The following SLC8A3 variants were observed in gnomAD, a reference collection of about 807,000 sequenced individuals.
The protein encoded by SLC8A3 is solute carrier family 8 member A3, also known as sodium/calcium exchanger 3.
Under a neutral mutation model 65.4 loss-of-function variants are expected in SLC8A3, and 37 were observed. The ratio of observed to expected loss-of-function variants is 0.57; its 90% CI spans 0.44 to 0.74. The LOEUF (loss-of-function observed/expected upper bound fraction) is 0.74. Among genes scored for constraint, SLC8A3 ranks in the 30% least tolerant of loss-of-function variants. The pLI, the probability that SLC8A3 is intolerant of heterozygous loss-of-function variation, is 0.00. For synonymous variants in SLC8A3, 461 were observed against 444.5 expected, an observed-to-expected ratio of 1.04 and a Z score of -0.47; for missense variants, 1,112 against 1,172.1, an observed-to-expected ratio of 0.95 and a Z score of 0.75.
chr14:70,086,428 G>T (rs1270094297), intron 2 of SLC8A3, among the ~76,000 whole-genome samples: 1 of 117,558 alleles, frequency 8.5e-6, no homozygotes, highest in African/African-American at 3.3e-5. Flanking sequence ...TTGAGATGGA[G>T]TCTCACTCTG....
intron 2 of SLC8A3, among the ~76,000 whole-genome samples, chr14:70,076,033 T>C (rs762451705): frequency 1.4e-4 from 21 of 152,144 alleles, no homozygotes; most frequent in Admixed American, 8.5e-4. Context: ...AAGCCTGACC[T>C]TGATGCCCCC....
chr14:70,145,736 A>G (rs1895883671), intron 2 of SLC8A3, among the ~76,000 whole-genome samples: 2 of 152,206 alleles, frequency 1.3e-5, no homozygotes, highest in Admixed American at 6.5e-5. Flanking sequence ...TCTGCCCCAG[A>G]AAACCATCCC....
intron 2 of SLC8A3, among the ~76,000 whole-genome samples, chr14:70,096,979 G>A (rs958077179): frequency 6.6e-6 from 1 of 152,152 alleles, no homozygotes. Flanking sequence ...TGAGGCCCTC[G>A]TAGCCATCCT....
chr14:70,173,799 G>T (rs1897698377), intron 1 of SLC8A3, among the ~76,000 whole-genome samples: 1 of 152,172 alleles, frequency 6.6e-6, no homozygotes, highest in South Asian at 2.1e-4. Flanking sequence ...GTGGAAGTCA[G>T]TGCAGTCCTG....
At chr14:70,061,464 G>T (rs1042128170) in intron 2 of SLC8A3, among the ~76,000 whole-genome samples, 2 of 151,960 alleles carry the variant, frequency 1.3e-5, no homozygotes, top group African/African-American at 2.4e-5. Context: ...CACTTCCATT[G>T]TGAGTTTCAG....
At chr14:70,084,826 G>C (rs2140022378) in intron 2 of SLC8A3, among the ~76,000 whole-genome samples, 2 of 152,292 alleles carry the variant, frequency 1.3e-5, no homozygotes, top group Non-Finnish European at 2.9e-5. Context: ...CAGATTCCTA[G>C]AATTCTGTTT....
chr14:70,055,788 C>G, intron 3 of SLC8A3: 1 of 1,608,940 alleles, frequency 6.2e-7, no homozygotes, highest in East Asian at 2.2e-5. Context: ...GGACAAGACA[C>G]CTCTTACCTG....
chr14:70,096,413 A>G (rs1330981999), intron 2 of SLC8A3, among the ~76,000 whole-genome samples: 3 of 152,190 alleles, frequency 2.0e-5, no homozygotes, highest in Admixed American at 6.5e-5. Context: ...AACAAGATGA[A>G]TGTAACTCCA....
chr14:70,044,248 T>A lies in SLC8A3; in HGVS notation c.*1699A>T, dbSNP rs758563830. On this transcript the variant is annotated 3_prime_UTR_variant, in exon 7 of 7. Coordinates refer to ENST00000356921, the MANE Select transcript of SLC8A3 (RefSeq NM_182932.3). ...GAGAGATATAGTATAGCTTTTATTTTTTTTTTGAACCAACCCAACATTTCC... is the reference window on the plus strand; with the variant it reads ...GAGAGATATAGTATAGCTTTTATTTATTTTTTGAACCAACCCAACATTTCC... 4 of 152,174 alleles carry A rather than the reference T, an allele frequency of 2.6e-5. No individual in the cohort carries two copies. Among genetic ancestry groups the A allele is most frequent in the Non-Finnish European group, 4.4e-5 (3 of 68,034 alleles). 9.4% of individuals were successfully genotyped at this position (152,174 alleles called of 1,614,324 possible).
chr14:70,179,838 G>A (rs1882579421), intron 1 of SLC8A3, among the ~76,000 whole-genome samples: 1 of 152,174 alleles, frequency 6.6e-6, no homozygotes, highest in South Asian at 2.1e-4. Flanking sequence ...TTCTTATGAG[G>A]ATGATCATAC....
rs191842032 is a variant in SLC8A3, at chr14:70,175,748, T to G, written c.-62-7264A>C. On this transcript the variant is annotated intron_variant, in intron 1 of 6. Coordinates refer to ENST00000356921, the MANE Select transcript of SLC8A3 (RefSeq NM_182932.3). ...AAGCTTTTTTTTTTCTTTTTTTTTT[T>G]TTTTGAGAGGCAGTTTCACTCTGTC... 5.8e-4 allele frequency among the ~76,000 whole-genome samples: 88 copies of G among 151,386 alleles called. 1 individual carries two copies. Among genetic ancestry groups the G allele is most frequent in the African/African-American group, 2.1e-3 (85 of 41,278 alleles).
intron 2 of SLC8A3, among the ~76,000 whole-genome samples, chr14:70,069,907 C>T (rs1889852111): frequency 6.6e-6 from 1 of 152,186 alleles, no homozygotes; most frequent in Admixed American, 6.5e-5. Flanking sequence ...GGCCTGAGAG[C>T]CTGCCTTTTT....
At chr14:70,049,673 G>A (rs1887249082) in intron 5 of SLC8A3, among the ~76,000 whole-genome samples, 1 of 152,078 alleles carries the variant, frequency 6.6e-6, no homozygotes, top group Admixed American at 6.6e-5. Flanking sequence ...GCATTTTGTT[G>A]TCTAAGGAGA....
chr14:70,166,746 C>A lies in SLC8A3; in HGVS notation c.1677G>T (p.Arg559=). Residue 559 remains arginine (R), a synonymous_variant, in exon 2 of 7, where the codon CGG becomes CGT. Coordinates refer to ENST00000356921, the MANE Select transcript of SLC8A3 (RefSeq NM_182932.3). ...EVKVLRTSGA[R]GTVIVPFRTV... is the part of the protein sequence containing the mutation. Reference sequence around the variant, plus strand: ...TCCTAAAGGGGACGATGACTGTACCCCGGGCACCTGATGTCCGCAGAACCT... The same window carrying A: ...TCCTAAAGGGGACGATGACTGTACCACGGGCACCTGATGTCCGCAGAACCT... 1 of 1,614,038 alleles carries A rather than the reference C, an allele frequency of 6.2e-7. No individual in the cohort carries two copies. Among genetic ancestry groups the A allele is most frequent in the Non-Finnish European group, 8.5e-7 (1 of 1,179,906 alleles).
At chr14:70,188,068 A>T (rs1401170245) in intron 1 of SLC8A3, among the ~76,000 whole-genome samples, 1 of 151,864 alleles carries the variant, frequency 6.6e-6, no homozygotes, top group African/African-American at 2.4e-5. Context: ...ATCCAACTGT[A>T]CCCACCTGCC....
At chr14:70,108,304 G>A (rs1893015160) in intron 2 of SLC8A3, among the ~76,000 whole-genome samples, 1 of 151,756 alleles carries the variant, frequency 6.6e-6, no homozygotes, top group Admixed American at 6.6e-5. Context: ...GGAGGCTGAG[G>A]CAGGAGAATC....
intron 2 of SLC8A3, among the ~76,000 whole-genome samples, chr14:70,143,838 C>T (rs1895728790): frequency 6.6e-6 from 1 of 152,186 alleles, no homozygotes; most frequent in Non-Finnish European, 1.5e-5. Context: ...TACCCAGGCT[C>T]TGAGCTGTTA....
At chr14:70,127,414 G>T (rs940753240) in intron 2 of SLC8A3, among the ~76,000 whole-genome samples, 2 of 152,076 alleles carry the variant, frequency 1.3e-5, no homozygotes, top group Non-Finnish European at 2.9e-5. Context: ...CTTTATTGAC[G>T]GTTTTGTAGA....
At position 70,167,950 on chromosome 14, in the gene SLC8A3, T is replaced by A; in HGVS notation, c.473A>T (p.His158Leu). 6.2e-7 allele frequency: 1 copy of A among 1,614,128 alleles called. No homozygotes were observed. The highest frequency in any genetic ancestry group is 1.1e-5 in the South Asian group (1 of 91,078). ...ILLSLIEVCG[H>L]GFIAGDLGPS... ...TCCCAGATCACCAGCAATGAACCCA[T>A]GACCACACACCTCAATTAAAGAGAG... Residue 158 changes from histidine to leucine, a missense_variant, in exon 2 of 7, where the codon CAT becomes CTT. His to Leu is a moderately conservative substitution (Grantham distance 99). Transcript: ENST00000356921.
Sources: gnomAD v4.1 joint callset for allele counts (sites outside exome capture counted in the v4.1 genomes callset) on GRCh38, gnomAD v4.1.1 for gene constraint, MANE v1.5 for transcripts, NCBI Gene and HGNC (gene_info 2026-07-23, HGNC 2026-07-21) for gene names.